Variants in ARHGEF2 observed in about 807,000 individuals in gnomAD.
ARHGEF2 encodes rho guanine nucleotide exchange factor 2.
Under a neutral mutation model 121.0 loss-of-function variants are expected in ARHGEF2, and 22 were observed. The observed-to-expected ratio is 0.18, with a 90% confidence interval of 0.13 to 0.26. ARHGEF2 has a LOEUF of 0.26. ARHGEF2 is among the 10% of genes least tolerant of loss of function. The pLI, the probability that ARHGEF2 is intolerant of heterozygous loss-of-function variation, is 1.00. For missense variants in ARHGEF2, 907 were observed against 1,336.0 expected (o/e 0.68, Z 5.01); for synonymous variants, 487 against 530.0 (o/e 0.92, Z 1.11).
chr1:155,954,282 CTTTTTTTTTT>C (rs544870775), intron 14 of ARHGEF2, among the ~76,000 whole-genome samples: 1 of 108,488 alleles, frequency 9.2e-6, no homozygotes, highest in Non-Finnish European at 1.8e-5. Flanking sequence ...CAATCTACTT[CTTTTTTTTTT>C]TTTTTTTTTG....
chr1:155,960,312 T>C (rs527566899), intron 11 of ARHGEF2, among the ~76,000 whole-genome samples: 35 of 151,934 alleles, frequency 2.3e-4, no homozygotes, highest in African/African-American at 8.5e-4. Flanking sequence ...CTACAAAAAA[T>C]TTAAAAATGT....
intron 2 of ARHGEF2, chr1:155,968,930 C>T: frequency 1.8e-6 from 1 of 541,940 alleles, no homozygotes; most frequent in Non-Finnish European, 3.2e-6. Flanking sequence ...ACAGCCTCCC[C>T]TCCCCCACAT....
chr1:155,965,790 C>T lies in ARHGEF2; in HGVS notation c.341-30G>A. 2 of 1,573,688 alleles carry T rather than the reference C, an allele frequency of 1.3e-6. No homozygotes were observed. Among genetic ancestry groups the T allele is most frequent in the Non-Finnish European group, 1.7e-6 (2 of 1,168,672 alleles). ...GGGGGAGAGATGCCCAGCAGGCAAA[C>T]ATCAGACTCTGGTGCTTCCCAGGAT... On this transcript the variant is annotated intron_variant, in intron 4 of 21. Coordinates refer to ENST00000361247, the MANE Select transcript of ARHGEF2 (RefSeq NM_001162383.2). This position sits in a 1 kb window ranked among gnomAD's most constrained non-coding sequence, Gnocchi z 6.0.
rs775446988 is a variant in ARHGEF2 at position 155,965,418 on chromosome 1, G to T, written c.471-6C>A. 23 of 1,613,204 alleles carry T rather than the reference G, an allele frequency of 1.4e-5. No individual in the cohort carries two copies. Among genetic ancestry groups the T allele is most frequent in the Non-Finnish European group, 1.9e-5 (22 of 1,179,272 alleles). On this transcript the variant is annotated splice_polypyrimidine_tract_variant and splice_region_variant and intron_variant, in intron 5 of 21. Transcript: ENST00000361247. This position sits in a 1 kb window ranked among gnomAD's most constrained non-coding sequence, Gnocchi z 6.0. ...GAGACTCATCATTGAAATGTCTGAA[G>T]AAAGTGGAGGCTGTCTGCATCACCC...
chr1:155,956,255 C>T (rs148353646), intron 13 of ARHGEF2, among the ~76,000 whole-genome samples: 53 of 152,098 alleles, frequency 3.5e-4, no homozygotes, highest in African/African-American at 1.1e-3. Flanking sequence ...TATGCCACCA[C>T]GCCCGGCTAA....
chr1:155,964,170 A>ATATATATATATATG (rs1678741207), intron 7 of ARHGEF2, among the ~76,000 whole-genome samples: 2 of 63,272 alleles, frequency 3.2e-5, no homozygotes, highest in East Asian at 7.2e-4. Flanking sequence ...AAAAAAAAAT[A>ATATATATATATATG]TATATATATA....
intron 7 of ARHGEF2, 50 bp downstream of exon 7, chr1:155,964,938 T>TA (rs1163667655): frequency 6.6e-7 from 1 of 1,513,440 alleles, no homozygotes; most frequent in Non-Finnish European, 8.9e-7. Flanking sequence ...AGGAAGTAGA[T>TA]AAACAGGACC....
intron 14 of ARHGEF2, among the ~76,000 whole-genome samples, chr1:155,953,873 A>T (rs1322070502): frequency 1.3e-5 from 2 of 152,148 alleles, no homozygotes; most frequent in Non-Finnish European, 2.9e-5. Flanking sequence ...TTCAGACATG[A>T]CATAGAGATG....
chr1:155,952,433 G>A (rs1369917581), intron 15 of ARHGEF2, among the ~76,000 whole-genome samples, 195 bp downstream of exon 15: 1 of 152,224 alleles, frequency 6.6e-6, no homozygotes, highest in East Asian at 1.9e-4. Context: ...CAGCATGGAC[G>A]ATATGGAGCA....
rs1304829302 is a variant in ARHGEF2 at position 155,952,634 on chromosome 1, G to A, written c.1978C>T (p.Arg660Cys). 7.4e-6 allele frequency: 12 copies of A among 1,611,026 alleles called. No individual in the cohort carries two copies. Among genetic ancestry groups the A allele is most frequent in the African/African-American group, 2.7e-5 (2 of 74,872 alleles). ...TCCCTGGGAGCTCCCTCACCCTCAC[G>A]GATGGCATCCTGCAGCAGCCGCTCG... The part of the protein sequence containing the change: ...RGERLLQDAI[R>C]EVEGLKDLLV... Residue 660 changes from arginine to cysteine, a missense_variant, in exon 15 of 22, where the codon CGT (arginine) becomes TGT (cysteine). Physicochemically the swap from Arg to Cys is radical, Grantham distance 180. This residue lies in a region of ARHGEF2 where 432 missense variants were observed against 559.5 expected (regional missense o/e 0.77). Transcript: ENST00000361247.
chr1:155,965,053 G>C lies in ARHGEF2; in HGVS notation c.659C>G (p.Ala220Gly). ...CTGCTGCAGGAAGCTGCTGTCCACA[G>C]CAAGACTCCAAGAGTCAGCTGCAAA... is the stretch of plus-strand genomic sequence containing the variant. Reference protein sequence around the residue: ...KDFAADSWSLAVDSSFLQQHK... With the variant: ...KDFAADSWSLGVDSSFLQQHK... Residue 220 changes from alanine to glycine, a missense_variant, in exon 7 of 22, where the codon GCT (alanine) becomes GGT (glycine). Ala to Gly is a moderately conservative substitution (Grantham distance 60). Around this residue, in one of 2 missense-constraint regions of ARHGEF2, gnomAD observed 475 missense variants for 776.5 expected, o/e 0.61. Coordinates refer to ENST00000361247, the MANE Select transcript of ARHGEF2 (RefSeq NM_001162383.2). The surrounding 1 kb of genome is among the most constrained non-coding windows in gnomAD (Gnocchi z 6.0). 1 of 1,614,150 alleles carries C rather than the reference G, an allele frequency of 6.2e-7. No homozygotes were observed. The highest frequency in any genetic ancestry group is 1.1e-5 in the South Asian group (1 of 91,086).
intron 11 of ARHGEF2, among the ~76,000 whole-genome samples, chr1:155,959,241 T>C (rs1677382865): frequency 6.6e-6 from 1 of 152,192 alleles, no homozygotes; most frequent in Non-Finnish European, 1.5e-5. Flanking sequence ...ATTTTTAATT[T>C]AATTTGATTC....
chr1:155,979,061 A>C (rs1681868406), upstream of ARHGEF2: 5 of 985,740 alleles, frequency 5.1e-6, no homozygotes, highest in South Asian at 2.3e-4. Flanking sequence ...AGGGGTGGCC[A>C]GAGGGAGAGG....
chr1:155,962,298 G>A lies in ARHGEF2; in HGVS notation c.1102-76C>T. On this transcript the variant is annotated intron_variant, in intron 9 of 21. Transcript: ENST00000361247. The surrounding 1 kb of genome is among the most constrained non-coding windows in gnomAD (Gnocchi z 5.8). ...GCCTGGGGCCTGAGCTCTGGTGCTG[G>A]CCCTGGCGTGGCCATTTACCTCATG... 1 of 1,456,226 alleles carries A rather than the reference G, an allele frequency of 6.9e-7. No individual in the cohort carries two copies. The highest frequency in any genetic ancestry group is 2.3e-5 in the East Asian group (1 of 43,796). 90.2% of individuals were successfully genotyped at this position (1,456,226 alleles called of 1,614,324 possible). A position where few individuals can be genotyped will look rare whatever the true frequency, so the allele number is the denominator to read the frequency against.
chr1:155,960,249 G>A (rs946014957), intron 11 of ARHGEF2, among the ~76,000 whole-genome samples: 3 of 152,140 alleles, frequency 2.0e-5, no homozygotes, highest in African/African-American at 7.2e-5. Flanking sequence ...AGAATCACTT[G>A]AGGCCAGGAG....
chr1:155,971,770 C>T (rs1385058677), intron 1 of ARHGEF2, among the ~76,000 whole-genome samples: 1 of 147,808 alleles, frequency 6.8e-6, no homozygotes, highest in Non-Finnish European at 1.5e-5. Context: ...AGCAAGAGGC[C>T]GGTGAGGTGG....
In ARHGEF2 at chr1:155,962,313, T is replaced by C. The variant is rs142339622; in HGVS notation, c.1102-91A>G. 28 of 1,330,968 alleles carry C rather than the reference T, an allele frequency of 2.1e-5. No individual in the cohort carries two copies. The Middle Eastern group carries it at 6.0e-4, about 29-fold the overall frequency. The allele number at this position is 1,330,968 out of a possible 1,614,324, so 82.4% of individuals were successfully genotyped here. Reference sequence around the variant, plus strand: ...TCTGGTGCTGGCCCTGGCGTGGCCATTTACCTCATGCTTGCCTAGGTGACA... The same window carrying C: ...TCTGGTGCTGGCCCTGGCGTGGCCACTTACCTCATGCTTGCCTAGGTGACA... On this transcript the variant is annotated intron_variant, in intron 9 of 21. Coordinates refer to ENST00000361247, the MANE Select transcript of ARHGEF2 (RefSeq NM_001162383.2). The surrounding 1 kb of genome is among the most constrained non-coding windows in gnomAD (Gnocchi z 5.8).
rs1678038834 is a variant in ARHGEF2 at position 155,961,991 on chromosome 1, T to C, written c.1220-82A>G. On this transcript the variant is annotated intron_variant, in intron 10 of 21. Coordinates refer to ENST00000361247, the MANE Select transcript of ARHGEF2 (RefSeq NM_001162383.2). The surrounding 1 kb of genome is among the most constrained non-coding windows in gnomAD (Gnocchi z 4.7). ...TCCCATCGTGTCTTGATTCCACCTTTAGAGGCTGCCCAGGGTTTCACACCC... is the reference window on the plus strand; with the variant it reads ...TCCCATCGTGTCTTGATTCCACCTTCAGAGGCTGCCCAGGGTTTCACACCC... 2.5e-6 allele frequency: 4 copies of C among 1,603,736 alleles called. No individual in the cohort carries two copies. The highest frequency in any genetic ancestry group is 1.7e-4 in the Middle Eastern group (1 of 6,024).
At position 155,962,581 on chromosome 1, in the gene ARHGEF2, A is replaced by G; in HGVS notation, c.1101+12T>C. ...TGGGCCATGAGCATGGGATCTGGAG[A>G]GGTCCGCTCACCCGGATGAATTGCT... On this transcript the variant is annotated intron_variant, in intron 9 of 21. Coordinates refer to ENST00000361247, the MANE Select transcript of ARHGEF2 (RefSeq NM_001162383.2). This position sits in a 1 kb window ranked among gnomAD's most constrained non-coding sequence, Gnocchi z 5.8. 6.2e-7 allele frequency: 1 copy of G among 1,612,600 alleles called. No individual in the cohort carries two copies.
Sources: gnomAD v4.1 joint callset for allele counts (sites outside exome capture counted in the v4.1 genomes callset) on GRCh38, gnomAD v4.1.1 for gene constraint, gnomAD v4.1.1 regional missense constraint, Gnocchi (gnomAD v3.1) non-coding constraint, MANE v1.5 for transcripts, NCBI Gene and HGNC (gene_info 2026-07-23, HGNC 2026-07-21) for gene names.